The following ASCC3 variants were observed in gnomAD, a reference collection of about 807,000 sequenced individuals.
ASCC3 encodes the protein activating signal cointegrator 1 complex subunit 3.
A neutral mutation model predicts 256.3 loss-of-function variants in ASCC3; 158 were observed. The ratio of observed to expected loss-of-function variants is 0.62; its 90% CI spans 0.54 to 0.70. The LOEUF (loss-of-function observed/expected upper bound fraction) is 0.70, where lower values mean the gene tolerates loss of function less well. Among genes scored for constraint, ASCC3 ranks in the 30% least tolerant of loss-of-function variants. ASCC3 has a pLI of 0.00. For missense variants in ASCC3, 2,259 were observed against 2,626.0 expected (o/e 0.86, Z 3.05); for synonymous variants, 948 against 883.4 (o/e 1.07, Z -1.30).
At chr6:100,708,501 A>G (rs1778709288) in intron 13 of ASCC3, among the ~76,000 whole-genome samples, 1 of 152,090 alleles carries the variant, frequency 6.6e-6, no homozygotes, top group Admixed American at 6.6e-5. Context: ...CTCAAGAGAC[A>G]TCCCTCTAAA....
At chr6:100,863,598 G>A (rs1773329422) in intron 3 of ASCC3, among the ~76,000 whole-genome samples, 2 of 151,958 alleles carry the variant, frequency 1.3e-5, no homozygotes, top group African/African-American at 4.8e-5. Context: ...TCCGAAGCTC[G>A]CTGATAGATA....
chr6:100,569,405 G>T (rs1229699680), intron 36 of ASCC3, among the ~76,000 whole-genome samples: 2 of 151,256 alleles, frequency 1.3e-5, no homozygotes, highest in Non-Finnish European at 3.0e-5. Context: ...TTTTTGAGAT[G>T]GAGTCTTGCT....
chr6:100,734,864 T>TG (rs1744554173), intron 10 of ASCC3, among the ~76,000 whole-genome samples: 1 of 152,218 alleles, frequency 6.6e-6, no homozygotes, highest in African/African-American at 2.4e-5. Context: ...AACTGGTTGA[T>TG]GCTAGAAATG....
chr6:100,532,369 T>C (rs7756328), intron 37 of ASCC3, among the ~76,000 whole-genome samples: 44 of 128,024 alleles, frequency 3.4e-4, no homozygotes, highest in African/African-American at 1.3e-3. Context: ...TGTGTGTGTG[T>C]GTATGTGTGT....
At chr6:100,748,449 T>G (rs1432730260) in intron 10 of ASCC3, among the ~76,000 whole-genome samples, 1 of 152,062 alleles carries the variant, frequency 6.6e-6, no homozygotes, top group Non-Finnish European at 1.5e-5. Flanking sequence ...AAGATACTGT[T>G]TTTGAATATT....
chr6:100,664,934 G>A (rs949951971), intron 14 of ASCC3, among the ~76,000 whole-genome samples: 1 of 152,174 alleles, frequency 6.6e-6, no homozygotes, highest in Non-Finnish European at 1.5e-5. Flanking sequence ...TTTAGGTTAA[G>A]TCTGCTTTCT....
rs142617027 is a variant in ASCC3 at position 100,603,596 on chromosome 6, T to G, written c.5178-1661A>C. ...GTTTGATATAGATTTTTTGTAGATA[T>G]TCTTTATCAGATTAAGAACATTCCC... On this transcript the variant is annotated intron_variant, in intron 33 of 41. Transcript: ENST00000369162. 7.6e-3 allele frequency among the ~76,000 whole-genome samples: 1,163 copies of G among 152,230 alleles called. 5 individuals carry two copies. The highest frequency in any genetic ancestry group is 0.012 in the Non-Finnish European group (828 of 67,990).
chr6:100,575,542 T>G (rs903156021), intron 36 of ASCC3, among the ~76,000 whole-genome samples: 1 of 152,098 alleles, frequency 6.6e-6, no homozygotes. Flanking sequence ...TCTATTGTTC[T>G]GGTACTTTTC....
rs564654047 is a variant in ASCC3 at position 100,668,670 on chromosome 6, A to G, written c.2287-6134T>C. 7.9e-5 allele frequency among the ~76,000 whole-genome samples: 12 copies of G among 152,130 alleles called. No individual in the cohort carries two copies. In the South Asian group the frequency reaches 2.5e-3, roughly 32 times the overall value. On this transcript the variant is annotated intron_variant, in intron 14 of 41. Coordinates refer to ENST00000369162, the MANE Select transcript of ASCC3 (RefSeq NM_006828.4). The stretch of plus-strand genomic sequence containing the variant: ...TTACAAATATTACTCTAAATAGTAA[A>G]GAACTTTAGAAAACAGAATTCATCA...
intron 36 of ASCC3, among the ~76,000 whole-genome samples, chr6:100,583,891 G>A (rs1418323371): frequency 6.6e-6 from 1 of 152,136 alleles, no homozygotes; most frequent in Non-Finnish European, 1.5e-5. Flanking sequence ...ATGTAGTTGA[G>A]CAGTTTTCAG....
chr6:100,783,566 C>A (rs1207263578), intron 8 of ASCC3, among the ~76,000 whole-genome samples: 2 of 152,144 alleles, frequency 1.3e-5, no homozygotes, highest in African/African-American at 4.8e-5. Context: ...ATCTAGACTA[C>A]CAGAAACCCA....
intron 36 of ASCC3, among the ~76,000 whole-genome samples, chr6:100,550,306 C>G (rs188692314): frequency 6.6e-6 from 1 of 151,882 alleles, no homozygotes; most frequent in East Asian, 1.9e-4. Context: ...TGAATGAAAA[C>G]ACTAATTAAT....
chr6:100,653,896 A>C (rs1775795426), intron 17 of ASCC3, among the ~76,000 whole-genome samples: 1 of 152,078 alleles, frequency 6.6e-6, no homozygotes, highest in South Asian at 2.1e-4. Context: ...AGTCATGAGG[A>C]GTAAAGTGAA....
At chr6:100,721,063 G>T (rs1779305050) in intron 11 of ASCC3, among the ~76,000 whole-genome samples, 1 of 150,922 alleles carries the variant, frequency 6.6e-6, no homozygotes, top group African/African-American at 2.4e-5. Flanking sequence ...AAAATATTAT[G>T]ATATATAATG....
chr6:100,670,159 TCA>T (rs1313540059), intron 14 of ASCC3, among the ~76,000 whole-genome samples: 1 of 151,994 alleles, frequency 6.6e-6, no homozygotes, highest in African/African-American at 2.4e-5. Context: ...TAAAAAATGC[TCA>T]GTTTCACTCA....
At chr6:100,739,083 T>C (rs9498228) in intron 10 of ASCC3, among the ~76,000 whole-genome samples, 1 of 152,220 alleles carries the variant, frequency 6.6e-6, no homozygotes, top group Non-Finnish European at 1.5e-5. Flanking sequence ...GGGTTTGTCA[T>C]ATATGGTTCT....
chr6:100,635,557 T>A (rs1774801381), intron 25 of ASCC3, among the ~76,000 whole-genome samples: 1 of 152,098 alleles, frequency 6.6e-6, no homozygotes, highest in Non-Finnish European at 1.5e-5. Context: ...ATTATATACT[T>A]GAAATTTGCT....
chr6:100,655,591 G>C, intron 17 of ASCC3, 108 bp downstream of exon 17: 1 of 1,276,632 alleles, frequency 7.8e-7, no homozygotes, highest in East Asian at 2.4e-5. Context: ...TTTCTTCTAG[G>C]TACCTCTTTT....
chr6:100,519,853 T>C (rs1054897149), intron 37 of ASCC3, among the ~76,000 whole-genome samples: 4 of 152,128 alleles, frequency 2.6e-5, no homozygotes, highest in Non-Finnish European at 5.9e-5. Context: ...AGGATCCAGA[T>C]GTGAAAATGT....
Sources: gnomAD v4.1 joint callset for allele counts (sites outside exome capture counted in the v4.1 genomes callset) on GRCh38, gnomAD v4.1.1 for gene constraint, MANE v1.5 for transcripts, NCBI Gene and HGNC (gene_info 2026-07-23, HGNC 2026-07-21) for gene names.